The following ALMS1 variants were observed in gnomAD, a reference collection of about 807,000 sequenced individuals.
ALMS1 encodes ALMS1 centrosome and basal body associated protein.
ALMS1 carries 271 observed loss-of-function variants against 352.2 expected under a neutral mutation model. The ratio of observed to expected loss-of-function variants is 0.77; its 90% CI spans 0.70 to 0.85. The LOEUF (loss-of-function observed/expected upper bound fraction) is 0.85. ALMS1 is among the 40% of genes least tolerant of loss of function. ALMS1 has a pLI of 0.00. For synonymous variants in ALMS1, 1,865 were observed against 1,761.2 expected (o/e 1.06, Z -1.48); for missense variants, 5,445 against 4,870.7 (o/e 1.12, Z -3.51).
chr2:73,512,210 G>A (rs1455293839), intron 10 of ALMS1, among the ~76,000 whole-genome samples: 5 of 152,030 alleles, frequency 3.3e-5, no homozygotes, highest in East Asian at 3.9e-4. Context: ...TCAGCCTCCC[G>A]AGTAGCTGGG....
At chr2:73,563,612 A>C (rs978509045) in intron 15 of ALMS1, among the ~76,000 whole-genome samples, 2 of 151,330 alleles carry the variant, frequency 1.3e-5, no homozygotes, top group Non-Finnish European at 2.9e-5. Flanking sequence ...AGTCCCAGCT[A>C]CTCAGGAGGC....
intron 10 of ALMS1, among the ~76,000 whole-genome samples, chr2:73,492,359 T>G (rs1673008591): frequency 6.6e-6 from 1 of 152,210 alleles, no homozygotes; most frequent in Non-Finnish European, 1.5e-5. Context: ...GCTATCCTAC[T>G]TAGTTCTCAT....
intron 1 of ALMS1, among the ~76,000 whole-genome samples, chr2:73,387,693 G>C (rs1300835734): frequency 1.3e-5 from 2 of 152,116 alleles, no homozygotes; most frequent in East Asian, 3.9e-4. Flanking sequence ...TGAAACGAGG[G>C]GATGTATGAT....
chr2:73,427,319 C>T (rs1671400593), intron 6 of ALMS1, among the ~76,000 whole-genome samples: 1 of 152,126 alleles, frequency 6.6e-6, no homozygotes, highest in African/African-American at 2.4e-5. Context: ...TAATGAAGTG[C>T]TTAACGTCCA....
intron 15 of ALMS1, among the ~76,000 whole-genome samples, chr2:73,571,938 A>G (rs1165604568): frequency 6.6e-6 from 1 of 152,178 alleles, no homozygotes; most frequent in African/African-American, 2.4e-5. Flanking sequence ...AGCATATGTC[A>G]TAACACCCTA....
chr2:73,479,876 G>T (rs181973039), intron 9 of ALMS1, among the ~76,000 whole-genome samples: 4 of 152,140 alleles, frequency 2.6e-5, no homozygotes, highest in Admixed American at 2.6e-4. Context: ...ATCCTCACCA[G>T]CATTTGATAC....
intron 16 of ALMS1, among the ~76,000 whole-genome samples, chr2:73,593,531 A>G (rs1402139401): frequency 1.3e-5 from 2 of 152,194 alleles, no homozygotes; most frequent in Non-Finnish European, 2.9e-5. Context: ...TTCATAGTCC[A>G]CATTTTTTTC....
At chr2:73,442,326 A>C (rs1671735368) in intron 7 of ALMS1, among the ~76,000 whole-genome samples, 1 of 152,024 alleles carries the variant, frequency 6.6e-6, no homozygotes, top group Non-Finnish European at 1.5e-5. Context: ...TTATATTTTT[A>C]ATCTGACCTA....
At position 73,590,677 on chromosome 2, in the gene ALMS1, C is replaced by CTTT. The variant is rs35264211; in HGVS notation, c.11548-8704_11548-8702dup. The stretch of plus-strand genomic sequence containing the variant: ...TGTTTTTTTAAATTCTGTTTTATTA[C>CTTT]TTTTTTTTTTTTTTTTTTTTTTGAG... On this transcript the variant is annotated intron_variant, in intron 16 of 22. Transcript: ENST00000613296. Among the ~76,000 whole-genome samples, 127 of 108,446 alleles carry CTTT rather than the reference C, an allele frequency of 1.2e-3. 1 individual carries two copies. Among genetic ancestry groups the CTTT allele is most frequent in the East Asian group, 6.7e-3 (19 of 2,850 alleles). The allele number at this position is 108,446 out of a possible 152,430, so 71.1% of individuals were successfully genotyped here.
In ALMS1 at chr2:73,451,718, C is replaced by G. The variant is rs1396382889; in HGVS notation, c.5191C>G (p.Leu1731Val). ...FYQQALPDSELTQEALKVSAV... is the reference protein window; with the variant it reads ...FYQQALPDSEVTQEALKVSAV... ...CCAACAGGCCCTGCCAGACAGTGAG[C>G]TAACTCAAGAAGCTCTGAAAGTTTC... The change falls in exon 8 of 23, where the codon CTA (leucine) becomes GTA (valine). Residue 1731 changes from leucine (L) to valine (V), a missense_variant. Leu to Val is a conservative substitution (Grantham distance 32). Transcript: ENST00000613296. The G allele has an allele frequency of 1.9e-6, 3 of 1,613,774 alleles. No homozygotes were observed. The highest frequency in any genetic ancestry group is 2.7e-5 in the African/African-American group (2 of 74,834).
At chr2:73,603,092 C>T in intron 20 of ALMS1, 149 bp from the exon 21 acceptor site, 1 of 731,962 alleles carries the variant, frequency 1.4e-6, no homozygotes, top group Middle Eastern at 3.6e-4. Flanking sequence ...CCTAGTCTTA[C>T]ACTGGCTTGC....
chr2:73,448,138 C>A lies in ALMS1; in HGVS notation c.1611C>A (p.Leu537=), dbSNP rs959300242. 1 of 1,614,010 alleles carries A rather than the reference C, an allele frequency of 6.2e-7. No individual in the cohort carries two copies. Among genetic ancestry groups the A allele is most frequent in the Non-Finnish European group, 8.5e-7 (1 of 1,179,922 alleles). ...ETTTGQHTDT[L]NQKTLADTHL... ...CTACTGGTCAACACACTGATACTCT[C>A]AACCAAAAGACATTAGCAGATACTC... Residue 537 remains leucine (L), a synonymous_variant, in exon 8 of 23, where the codon CTC becomes CTA. Coordinates refer to ENST00000613296, the MANE Select transcript of ALMS1 (RefSeq NM_001378454.1).
At chr2:73,588,896 A>G (rs1675363001) in intron 16 of ALMS1, among the ~76,000 whole-genome samples, 1 of 152,164 alleles carries the variant, frequency 6.6e-6, no homozygotes, top group African/African-American at 2.4e-5. Context: ...GAGAAATTAC[A>G]CTCAAAAGCA....
intron 21 of ALMS1, among the ~76,000 whole-genome samples, chr2:73,606,212 G>C (rs753821952): frequency 6.6e-6 from 1 of 152,162 alleles, no homozygotes; most frequent in African/African-American, 2.4e-5. Context: ...GTTATTTCAA[G>C]TGAATAAAAA....
At chr2:73,588,957 G>A (rs763332112) in intron 16 of ALMS1, among the ~76,000 whole-genome samples, 2 of 152,012 alleles carry the variant, frequency 1.3e-5, no homozygotes, top group Non-Finnish European at 2.9e-5. Context: ...CAGAGAAAGA[G>A]TTAAGATATA....
At chr2:73,426,599 A>C in intron 6 of ALMS1, 46 bp downstream of exon 6, 3 of 1,567,906 alleles carry the variant, frequency 1.9e-6, no homozygotes, top group Non-Finnish European at 2.6e-6. Flanking sequence ...GGCCTTTTTC[A>C]GTATTGTTTC....
intron 16 of ALMS1, among the ~76,000 whole-genome samples, chr2:73,598,620 A>T (rs1442680504): frequency 6.6e-6 from 1 of 152,156 alleles, no homozygotes; most frequent in African/African-American, 2.4e-5. Context: ...AGACCTGCCT[A>T]AGTAGAAAAT....
intron 6 of ALMS1, 117 bp from the exon 7 acceptor site, chr2:73,432,081 G>A: frequency 1.4e-6 from 1 of 736,812 alleles, no homozygotes; most frequent in Middle Eastern, 2.8e-4. Flanking sequence ...ATTATTTTTA[G>A]CAGATGAGGT....
At chr2:73,525,063 A>G (rs1474358522) in intron 11 of ALMS1, among the ~76,000 whole-genome samples, 2 of 152,200 alleles carry the variant, frequency 1.3e-5, no homozygotes, top group Admixed American at 1.3e-4. Context: ...GCTGCAAATG[A>G]CAGGATCTCA....
Sources: allele counts gnomAD v4.1 joint callset (sites outside exome capture counted in the v4.1 genomes callset), GRCh38; gene constraint gnomAD v4.1.1; transcripts MANE v1.5; gene names NCBI Gene and HGNC (gene_info 2026-07-23, HGNC 2026-07-21).